EPHA1: variants seen among roughly 807,000 people sequenced by gnomAD.
The protein encoded by EPHA1 is ephrin type-A receptor 1.
Under a neutral mutation model 110.1 loss-of-function variants are expected in EPHA1, and 92 were observed. The ratio of observed to expected loss-of-function variants is 0.84; its 90% CI spans 0.71 to 0.99. EPHA1 has a LOEUF of 0.99. Ranked by LOEUF, EPHA1 falls within the 50% of genes least tolerant of loss-of-function variation. The pLI is 0.00. For synonymous variants in EPHA1, 500 were observed against 516.1 expected (o/e 0.97, Z 0.42); for missense variants, 1,204 against 1,285.4 (o/e 0.94, Z 0.97).
chr7:143,397,419 G>A, intron 9 of EPHA1, 57 bp from the exon 10 acceptor site: 1 of 1,556,830 alleles, frequency 6.4e-7, no homozygotes, highest in East Asian at 2.4e-5. Context: ...AGGGGTCCGA[G>A]GGACTCTGGC....
Position 143,397,381 on chromosome 7 carries a change from A to C in EPHA1, c.1713-19T>G. On this transcript the variant is annotated intron_variant, in intron 9 of 17. Coordinates refer to ENST00000275815, the MANE Select transcript of EPHA1 (RefSeq NM_005232.5). ...GGCTCTCCTGTGGGGGTTGGGGACC[A>C]GCTCCTTCAGGGCCCCAGGACCACC... 2 of 1,549,390 alleles carry C rather than the reference A, an allele frequency of 1.3e-6. No individual in the cohort carries two copies.
In EPHA1 at chr7:143,393,599, A is replaced by T; in HGVS notation, c.2696+72T>A. ...TCCCCAGGCCCAGCGCTCAAAGAAG[A>T]TTGGCTGAATGCCCATTTCCACTCT... is the stretch of plus-strand genomic sequence containing the variant. On this transcript the variant is annotated intron_variant, in intron 16 of 17. Transcript: ENST00000275815. This position sits in a 1 kb window ranked among gnomAD's most constrained non-coding sequence, Gnocchi z 5.6. The T allele has an allele frequency of 6.5e-7, 1 of 1,533,848 alleles. No individual in the cohort carries two copies. Among genetic ancestry groups the T allele is most frequent in the Non-Finnish European group, 8.8e-7 (1 of 1,129,986 alleles).
chr7:143,401,738 C>T lies in EPHA1; in HGVS notation c.151-133G>A. The T allele has an allele frequency of 1.9e-6, 2 of 1,069,078 alleles. No individual in the cohort carries two copies. Among genetic ancestry groups the T allele is most frequent in the South Asian group, 3.1e-5 (2 of 65,014 alleles). 66.2% of individuals were successfully genotyped at this position (1,069,078 alleles called of 1,614,324 possible). Reference sequence around the variant, plus strand: ...GCTACTTGTTCTGCCTCTCCCCACCCCTCAGCTCCAGGACAGTAGACTGAG... The same window carrying T: ...GCTACTTGTTCTGCCTCTCCCCACCTCTCAGCTCCAGGACAGTAGACTGAG... On this transcript the variant is annotated intron_variant, in intron 2 of 17. Coordinates refer to ENST00000275815, the MANE Select transcript of EPHA1 (RefSeq NM_005232.5). This position sits in a 1 kb window ranked among gnomAD's most constrained non-coding sequence, Gnocchi z 4.1.
intron 2 of EPHA1, among the ~76,000 whole-genome samples, chr7:143,407,220 G>C (rs1238824772): frequency 6.6e-6 from 1 of 152,094 alleles, no homozygotes; most frequent in East Asian, 1.9e-4. Context: ...TCATTGGGAT[G>C]AATGGATCTC....
chr7:143,398,432 C>T lies in EPHA1; in HGVS notation c.1353G>A (p.Leu451=). 6.2e-7 allele frequency: 1 copy of T among 1,614,162 alleles called. No homozygotes were observed. Among genetic ancestry groups the T allele is most frequent in the Non-Finnish European group, 8.5e-7 (1 of 1,179,998 alleles). The change falls in exon 7 of 18, where the codon CTG becomes CTA. Residue 451 remains leucine (L), a synonymous_variant. Coordinates refer to ENST00000275815, the MANE Select transcript of EPHA1 (RefSeq NM_005232.5). ...SMGHAESLSG[L]SLRLVKKEPR... is the part of the protein sequence containing the mutation. ...GTTCTTTCTTCACCAGTCTCAGAGA[C>T]AGGCCTGACAGTGACTCTGGGGGTC...
rs778110783 is a variant in EPHA1, at chr7:143,399,663, C to T, written c.823G>A (p.Glu275Lys). ...EPGYEEGGSG[E>K]ACVACPSGSY... ...CCTCCGTTCTTACCAACACATGCTT[C>T]GCCACTGCCACCTTCCTCATAGCCA... Residue 275 changes from glutamate to lysine, a missense_variant, in exon 4 of 18, where the codon GAA (glutamate) becomes AAA (lysine). Physicochemically the swap from Glu to Lys is moderately conservative, Grantham distance 56. Transcript: ENST00000275815. 8.7e-6 allele frequency: 14 copies of T among 1,613,396 alleles called. No homozygotes were observed. The highest frequency in any genetic ancestry group is 1.1e-5 in the South Asian group (1 of 91,056).
Position 143,393,652 on chromosome 7 carries a change from C to T in EPHA1, c.2696+19G>A, listed in dbSNP as rs181422836. The T allele has an allele frequency of 3.1e-3, 4,928 of 1,611,302 alleles. 9 individuals are homozygous for T. The highest frequency in any genetic ancestry group is 3.5e-3 in the Non-Finnish European group (4,105 of 1,179,026). ...TAGCGCTGCCTCTGGGTTCCCTAGT[C>T]CTTCCCCTGCATGGTTACCTGGGGT... On this transcript the variant is annotated intron_variant, in intron 16 of 17. Transcript: ENST00000275815. This position sits in a 1 kb window ranked among gnomAD's most constrained non-coding sequence, Gnocchi z 5.6.
At chr7:143,404,936 A>G (rs551016995) in intron 2 of EPHA1, among the ~76,000 whole-genome samples, 7 of 152,080 alleles carry the variant, frequency 4.6e-5, no homozygotes, top group African/African-American at 7.2e-5. Flanking sequence ...CTACTCCATT[A>G]TAATGCAGGG....
rs748133352 is a variant in EPHA1, at chr7:143,397,872, T to A, written c.1615+48A>T. 1.4e-5 allele frequency: 23 copies of A among 1,601,162 alleles called. No homozygotes were observed. In the East Asian group the frequency reaches 4.5e-4, roughly 31 times the overall value. On this transcript the variant is annotated intron_variant, in intron 8 of 17. Transcript: ENST00000275815. ...TGGAACAGGAGCTGAGTTGCCTCAG[T>A]GAGGCAACAGGTGTATGTGTGTTGG...
At chr7:143,392,548 G>A (rs769270011) in intron 16 of EPHA1, among the ~76,000 whole-genome samples, 1 of 151,748 alleles carries the variant, frequency 6.6e-6, no homozygotes, top group Non-Finnish European at 1.5e-5. Context: ...CAACCTGAGC[G>A]CTCCCCCACC....
In EPHA1 at chr7:143,401,489, C is replaced by T. The variant is rs1434685713; in HGVS notation, c.267G>A (p.Gly89=). The change falls in exon 3 of 18, where the codon GGG becomes GGA. Residue 89 remains glycine, a synonymous_variant. Transcript: ENST00000275815. The surrounding 1 kb of genome is among the most constrained non-coding windows in gnomAD (Gnocchi z 4.1). The part of the protein sequence containing the change: ...HWLRSNWIYR[G]EEASRVHVEL... ...CCACGTGGACGCGGGAAGCCTCCTC[C>T]CCGCGGTAGATCCAATTGGAGCGAA... 6.2e-7 allele frequency: 1 copy of T among 1,614,002 alleles called. No individual in the cohort carries two copies. Among genetic ancestry groups the T allele is most frequent in the Admixed American group, 1.7e-5 (1 of 60,002 alleles).
chr7:143,406,376 G>A (rs1449808744), intron 2 of EPHA1, among the ~76,000 whole-genome samples: 1 of 152,228 alleles, frequency 6.6e-6, no homozygotes, highest in African/African-American at 2.4e-5. Flanking sequence ...TTAGGTCCCT[G>A]CAGGGTGGCT....
rs1805464477 is a variant in EPHA1, at chr7:143,403,117, A to C, written c.151-1512T>G. Among the ~76,000 whole-genome samples, 3 of 152,216 alleles carry C rather than the reference A, an allele frequency of 2.0e-5. No individual in the cohort carries two copies. The South Asian group carries it at 6.2e-4, about 32-fold the overall frequency. ...AGTGGTGGCTCACGCCTGTAATCCT[A>C]GCACTTTGGGAGGCCCAGGAAGGCA... On this transcript the variant is annotated intron_variant, in intron 2 of 17. Transcript: ENST00000275815.
chr7:143,401,475 C>T lies in EPHA1; in HGVS notation c.281G>A (p.Arg94His), dbSNP rs45447297. 85 of 1,614,058 alleles carry T rather than the reference C, an allele frequency of 5.3e-5. No individual in the cohort carries two copies. The highest frequency in any genetic ancestry group is 6.2e-5 in the Non-Finnish European group (73 of 1,180,038). The change falls in exon 3 of 18, where the codon CGC becomes CAC. Residue 94 changes from arginine to histidine, a missense_variant. By Grantham distance (29) the Arg-to-His change is conservative. Coordinates refer to ENST00000275815, the MANE Select transcript of EPHA1 (RefSeq NM_005232.5). This position sits in a 1 kb window ranked among gnomAD's most constrained non-coding sequence, Gnocchi z 4.1. ...GGTGAACTGCAGCTCCACGTGGACG[C>T]GGGAAGCCTCCTCCCCGCGGTAGAT... ...NWIYRGEEAS[R>H]VHVELQFTVR...
intron 2 of EPHA1, among the ~76,000 whole-genome samples, chr7:143,402,221 T>C (rs1402104617): frequency 6.6e-6 from 1 of 152,086 alleles, no homozygotes; most frequent in Non-Finnish European, 1.5e-5. Context: ...AGCCCAAGAT[T>C]TATTTTTAAT....
At chr7:143,396,715 T>G in intron 10 of EPHA1, 1 of 580,356 alleles carries the variant, frequency 1.7e-6, no homozygotes, top group Non-Finnish European at 3.0e-6. Context: ...TCCGCTGTCC[T>G]CACTCCACAA....
chr7:143,398,902 C>T lies in EPHA1; in HGVS notation c.1035G>A (p.Gly345=), dbSNP rs1805338285. The part of the protein sequence containing the change: ...APRNLSFSAS[G]TQLSLRWEPP... ...GTTCCCAACGCAGGGAGAGCTGAGT[C>T]CCTGAGGCAGAGAAGCTCAGGTTTC... The change falls in exon 6 of 18, where the codon GGG becomes GGA. Residue 345 remains glycine (G), a synonymous_variant. Transcript: ENST00000275815. 3 of 1,613,024 alleles carry T rather than the reference C, an allele frequency of 1.9e-6. No homozygotes were observed. The highest frequency in any genetic ancestry group is 2.5e-6 in the Non-Finnish European group (3 of 1,179,598).
chr7:143,398,392 G>C lies in EPHA1; in HGVS notation c.1393C>G (p.Leu465Val). The change falls in exon 7 of 18, where the codon CTG (leucine) becomes GTG (valine). Residue 465 changes from leucine to valine, a missense_variant. Transcript: ENST00000275815. Reference protein sequence around the residue: ...LVKKEPRQLELTWAGSRPRSP... With the variant: ...LVKKEPRQLEVTWAGSRPRSP... The stretch of plus-strand genomic sequence containing the variant: ...CGGGGCCGGGACCCCGCCCAGGTCA[G>C]CTCTAGTTGCCTCGGTTCTTTCTTC... 6.2e-7 allele frequency: 1 copy of C among 1,614,186 alleles called. No homozygotes were observed. The highest frequency in any genetic ancestry group is 8.5e-7 in the Non-Finnish European group (1 of 1,180,002).
chr7:143,391,810 C>T, intron 16 of EPHA1, 35 bp from the exon 17 acceptor site: 1 of 1,608,542 alleles, frequency 6.2e-7, no homozygotes, highest in Non-Finnish European at 8.5e-7. Context: ...ACAGCGGGTA[C>T]ATGGGCTGAT....
Sources: gnomAD v4.1 joint callset for allele counts (sites outside exome capture counted in the v4.1 genomes callset) on GRCh38, gnomAD v4.1.1 for gene constraint, Gnocchi (gnomAD v3.1) non-coding constraint, MANE v1.5 for transcripts, NCBI Gene and HGNC (gene_info 2026-07-23, HGNC 2026-07-21) for gene names.